CBLB: variants seen among roughly 807,000 people sequenced by gnomAD.
The protein encoded by CBLB is Cbl proto-oncogene B.
Under a neutral mutation model 104.9 loss-of-function variants are expected in CBLB, and 31 were observed. That is an observed-to-expected ratio of 0.30 (90% CI 0.22 to 0.40). The LOEUF is 0.40. CBLB is among the 10% of genes least tolerant of loss of function. The pLI, the probability that CBLB is intolerant of heterozygous loss-of-function variation, is 1.00. For synonymous variants in CBLB, 440 were observed against 422.6 expected (o/e 1.04, Z -0.51); for missense variants, 1,062 against 1,214.6 (o/e 0.87, Z 1.87).
intron 3 of CBLB, among the ~76,000 whole-genome samples, chr3:105,791,915 GA>G: frequency 6.6e-6 from 1 of 152,186 alleles, no homozygotes; most frequent in Middle Eastern, 3.4e-3. Context: ...ATGCCACAAG[GA>G]ATAATACAAT....
At chr3:105,800,114 C>T (rs2082670848) in intron 3 of CBLB, among the ~76,000 whole-genome samples, 1 of 152,148 alleles carries the variant, frequency 6.6e-6, no homozygotes, top group Admixed American at 6.5e-5. Context: ...GTCACCTAAT[C>T]TCTTTGGTTT....
chr3:105,735,729 T>G (rs964698983), intron 8 of CBLB, among the ~76,000 whole-genome samples: 1 of 152,132 alleles, frequency 6.6e-6, no homozygotes, highest in African/African-American at 2.4e-5. Context: ...GGCGGGTGGA[T>G]CACCTGAGGT....
chr3:105,708,447 C>T (rs2070546399), intron 10 of CBLB, among the ~76,000 whole-genome samples: 1 of 151,946 alleles, frequency 6.6e-6, no homozygotes, highest in African/African-American at 2.4e-5. Flanking sequence ...TGAATAACAA[C>T]AGTTAGTATT....
chr3:105,797,392 C>T (rs1264795315), intron 3 of CBLB, among the ~76,000 whole-genome samples: 1 of 152,040 alleles, frequency 6.6e-6, no homozygotes, highest in South Asian at 2.1e-4. Context: ...TAGTTCTCTC[C>T]AAGAACACAT....
At chr3:105,698,578 C>A (rs746831194) in intron 12 of CBLB, among the ~76,000 whole-genome samples, 16 of 138,158 alleles carry the variant, frequency 1.2e-4, no homozygotes, top group Non-Finnish European at 2.1e-4. Flanking sequence ...AACTACTAAA[C>A]CTAAGCGGCA....
chr3:105,671,922 G>C (rs770644694), intron 17 of CBLB: 1 of 191,924 alleles, frequency 5.2e-6, no homozygotes, highest in African/African-American at 2.3e-5. Flanking sequence ...AAGATAAATC[G>C]CATGAGACAA....
At chr3:105,828,375 C>T (rs1335315905) in intron 3 of CBLB, among the ~76,000 whole-genome samples, 1 of 152,150 alleles carries the variant, frequency 6.6e-6, no homozygotes, top group East Asian at 1.9e-4. Context: ...AGGCAATTAG[C>T]AATCTTTAAT....
intron 3 of CBLB, among the ~76,000 whole-genome samples, chr3:105,836,921 A>T (rs113010548): frequency 1.3e-5 from 2 of 151,870 alleles, no homozygotes; most frequent in South Asian, 4.2e-4. Flanking sequence ...AAAATATCTC[A>T]GATGTCCCTC....
At chr3:105,810,743 T>C (rs2084178102) in intron 3 of CBLB, among the ~76,000 whole-genome samples, 1 of 152,138 alleles carries the variant, frequency 6.6e-6, no homozygotes, top group Non-Finnish European at 1.5e-5. Flanking sequence ...AGAAATTAGT[T>C]TGATTTTTAA....
intron 4 of CBLB, among the ~76,000 whole-genome samples, chr3:105,756,191 A>G (rs1020938884): frequency 6.6e-6 from 1 of 152,212 alleles, no homozygotes; most frequent in Non-Finnish European, 1.5e-5. Flanking sequence ...GAAAACCACA[A>G]AGCAGTGTCT....
At chr3:105,813,086 C>T (rs953135204) in intron 3 of CBLB, among the ~76,000 whole-genome samples, 6 of 152,114 alleles carry the variant, frequency 3.9e-5, no homozygotes, top group Admixed American at 3.9e-4. Context: ...CCCACCTAAA[C>T]TATGGCTTAG....
At chr3:105,746,102 C>G in intron 5 of CBLB, 64 bp from the exon 6 acceptor site, 2 of 1,096,836 alleles carry the variant, frequency 1.8e-6, no homozygotes, top group Non-Finnish European at 2.7e-6. Flanking sequence ...TGATTACATA[C>G]TGAACCATAT....
At chr3:105,827,670 A>C (rs894199788) in intron 3 of CBLB, among the ~76,000 whole-genome samples, 2 of 152,186 alleles carry the variant, frequency 1.3e-5, no homozygotes, top group African/African-American at 2.4e-5. Context: ...CAAAGCAGAC[A>C]CAAAAATTTA....
intron 16 of CBLB, 58 bp downstream of exon 16, chr3:105,681,421 A>G: frequency 6.4e-7 from 1 of 1,573,162 alleles, no homozygotes; most frequent in South Asian, 1.1e-5. Flanking sequence ...AATTCTGAAA[A>G]TTCTGAAATT....
chr3:105,768,581 G>A (rs1286303543), intron 4 of CBLB, among the ~76,000 whole-genome samples: 1 of 152,168 alleles, frequency 6.6e-6, no homozygotes, highest in Non-Finnish European at 1.5e-5. Context: ...AATGAGGCTA[G>A]CATATGTGAA....
Position 105,809,220 on chromosome 3 carries a change from T to C in CBLB, c.420-32678A>G, listed in dbSNP as rs149356547. On this transcript the variant is annotated intron_variant, in intron 3 of 18. Coordinates refer to ENST00000394030, the MANE Select transcript of CBLB (RefSeq NM_170662.5). ...AACCTTGTTATAATAACATCAGAAG[T>C]AGTTTAAAAAGTATTATGTATATAA... 3.9e-5 allele frequency among the ~76,000 whole-genome samples: 6 copies of C among 152,330 alleles called. No homozygotes were observed. The East Asian group carries it at 1.2e-3, about 29-fold the overall frequency.
chr3:105,790,498 C>T (rs531210310), intron 3 of CBLB, among the ~76,000 whole-genome samples: 1 of 152,194 alleles, frequency 6.6e-6, no homozygotes, highest in Non-Finnish European at 1.5e-5. Flanking sequence ...TTTATTCACT[C>T]AATGAACCTT....
At chr3:105,864,263 C>G (rs1460345801) in intron 2 of CBLB, among the ~76,000 whole-genome samples, 1 of 152,142 alleles carries the variant, frequency 6.6e-6, no homozygotes, top group Admixed American at 6.5e-5. Context: ...CTCTGAGTTC[C>G]TTGACAGGTC....
intron 10 of CBLB, among the ~76,000 whole-genome samples, chr3:105,718,934 C>G (rs1475655571): frequency 6.6e-6 from 1 of 152,186 alleles, no homozygotes. Context: ...TATTTCTGGT[C>G]TGTAAATTAA....
Sources: gnomAD v4.1 joint callset for allele counts (sites outside exome capture counted in the v4.1 genomes callset) on GRCh38, gnomAD v4.1.1 for gene constraint, MANE v1.5 for transcripts, NCBI Gene and HGNC (gene_info 2026-07-23, HGNC 2026-07-21) for gene names.